Variants in MMEL1 observed in about 807,000 individuals in gnomAD.
MMEL1 encodes membrane metallo-endopeptidase-like 1.
Under a neutral mutation model 117.1 loss-of-function variants are expected in MMEL1, and 98 were observed. The observed-to-expected ratio is 0.84, with a 90% CI of 0.71 to 0.99. The LOEUF (loss-of-function observed/expected upper bound fraction) is 0.99, where lower values mean the gene tolerates loss of function less well. Ranked by LOEUF, MMEL1 falls within the 50% of genes least tolerant of loss-of-function variation. The pLI, the probability that MMEL1 is intolerant of heterozygous loss-of-function variation, is 0.00. For missense variants in MMEL1, 1,014 were observed against 1,049.1 expected (o/e 0.97, Z 0.46); for synonymous variants, 390 against 415.1 (o/e 0.94, Z 0.74).
chr1:2,602,115 G>C lies in MMEL1; in HGVS notation c.1041+1769C>G, dbSNP rs1644941951. On this transcript the variant is annotated intron_variant, in intron 11 of 23. Transcript: ENST00000378412. ...CACAGTGGGACCCGAGTTGTCGCAT[G>C]TTCTTAGAGTCAGAGGCCACTCAGC... 3.4e-5 allele frequency among the ~76,000 whole-genome samples: 4 copies of C among 116,876 alleles called. No individual in the cohort carries two copies. In the East Asian group the frequency reaches 1.0e-3, roughly 30 times the overall value. 76.7% of individuals were successfully genotyped at this position (116,876 alleles called of 152,430 possible).
At chr1:2,596,720 C>T (rs759519916) in intron 13 of MMEL1, 31 bp from the exon 14 acceptor site, 4 of 1,608,248 alleles carry the variant, frequency 2.5e-6, no homozygotes, top group African/African-American at 1.3e-5. Flanking sequence ...TCCCACGGGC[C>T]CCCACGTCAG....
chr1:2,611,162 TCCA>T, intron 4 of MMEL1, 116 bp downstream of exon 4: 1 of 1,036,854 alleles, frequency 9.6e-7, no homozygotes, highest in Admixed American at 2.5e-5. Flanking sequence ...CCCACCCGGC[TCCA>T]CCGCCCGCCG....
In MMEL1 at chr1:2,594,844, T is replaced by C. The variant is rs1644806626; in HGVS notation, c.1634A>G (p.Lys545Arg). 6.8e-6 allele frequency: 11 copies of C among 1,613,932 alleles called. No individual in the cohort carries two copies. The highest frequency in any genetic ancestry group is 8.5e-6 in the Non-Finnish European group (10 of 1,179,958). Residue 545 changes from lysine to arginine, a missense_variant, in exon 17 of 24, where the codon AAG becomes AGG. Lys to Arg is a conservative substitution (Grantham distance 26). Coordinates refer to ENST00000378412, the MANE Select transcript of MMEL1 (RefSeq NM_033467.4). ...LYFENSLQNL[K>R]VGAQRSLRKL... ...CCTGAGGCTCCGCTGGGCGCCCACC[T>C]TGAGGTTCTGCAGACTGTTCTCAAA...
chr1:2,618,302 C>A (rs1418235248), intron 2 of MMEL1, among the ~76,000 whole-genome samples: 1 of 152,168 alleles, frequency 6.6e-6, no homozygotes. Context: ...CATGCACAGG[C>A]TCCCCTTTAC....
chr1:2,630,359 T>G (rs1233025238), intron 1 of MMEL1, among the ~76,000 whole-genome samples: 1 of 152,160 alleles, frequency 6.6e-6, no homozygotes, highest in Non-Finnish European at 1.5e-5. Context: ...TGACTGTGCG[T>G]GTGTGCATAT....
At chr1:2,611,205 G>A (rs1645120762) in intron 4 of MMEL1, 76 bp downstream of exon 4, 14 of 1,432,064 alleles carry the variant, frequency 9.8e-6, no homozygotes, top group Admixed American at 4.1e-5. Flanking sequence ...TGGGCCTTGG[G>A]CGGGGCCTAC....
chr1:2,596,768 G>T (rs1355402577), intron 13 of MMEL1, 79 bp from the exon 14 acceptor site: 3 of 1,558,368 alleles, frequency 1.9e-6, no homozygotes, highest in Non-Finnish European at 2.6e-6. Flanking sequence ...GGCTTACGGG[G>T]TGAGCAGACC....
chr1:2,611,191 T>G, intron 4 of MMEL1, 90 bp downstream of exon 4: 2 of 1,339,008 alleles, frequency 1.5e-6, no homozygotes, highest in Non-Finnish European at 2.1e-6. Context: ...TGGAGTTGCT[T>G]CCCTGGGCCT....
chr1:2,594,504 C>T (rs1644799668), intron 17 of MMEL1, 61 bp from the exon 18 acceptor site: 5 of 1,532,104 alleles, frequency 3.3e-6, no homozygotes, highest in Non-Finnish European at 2.7e-6. Flanking sequence ...TCTGGGCTCT[C>T]TCTGCCTTGA....
rs769395265 is a variant in MMEL1, at chr1:2,592,679, G to A, written c.2043C>T (p.Asn681=). The A allele has an allele frequency of 2.6e-5, 40 of 1,556,356 alleles. No homozygotes were observed. The highest frequency in any genetic ancestry group is 2.1e-4 in the Admixed American group (12 of 56,806). The change falls in exon 21 of 24, where the codon AAC becomes AAT. Residue 681 remains asparagine (N), a synonymous_variant. Coordinates refer to ENST00000378412, the MANE Select transcript of MMEL1 (RefSeq NM_033467.4). ...FNTLGENIAD[N]GGVRQAYKAY... ...CCTTATAGGCTTGCCGCACCCCTCCGTTGTCAGCAATGTTTTCCCCAAGGG... is the reference window on the plus strand; with the variant it reads ...CCTTATAGGCTTGCCGCACCCCTCCATTGTCAGCAATGTTTTCCCCAAGGG...
intron 2 of MMEL1, among the ~76,000 whole-genome samples, chr1:2,625,922 T>C (rs1451078396): frequency 7.6e-6 from 1 of 130,772 alleles, no homozygotes; most frequent in South Asian, 2.5e-4. Flanking sequence ...GAGTTCCCTA[T>C]GACCAGTGGA....
At chr1:2,611,412 G>T in intron 3 of MMEL1, 72 bp from the exon 4 acceptor site, 1 of 1,202,430 alleles carries the variant, frequency 8.3e-7, no homozygotes. Context: ...GGGTGTGGGC[G>T]GGGCAAGGTC....
Position 2,594,783 on chromosome 1 carries a change from C to G in MMEL1, c.1688+7G>C. On this transcript the variant is annotated splice_region_variant and intron_variant, in intron 17 of 23. Transcript: ENST00000378412. The stretch of plus-strand genomic sequence containing the variant: ...CCCGCCCATGCCGCACCAGCGATGC[C>G]ACTCACAGATTTGGGTCCACCTTTT... 6.2e-7 allele frequency: 1 copy of G among 1,611,678 alleles called. No homozygotes were observed. Among genetic ancestry groups the G allele is most frequent in the South Asian group, 1.1e-5 (1 of 91,008 alleles).
At chr1:2,625,423 G>C (rs1638232560) in intron 2 of MMEL1, among the ~76,000 whole-genome samples, 2 of 152,206 alleles carry the variant, frequency 1.3e-5, no homozygotes, top group South Asian at 4.1e-4. Context: ...CCAGGCTGCT[G>C]GGCAAGCTGC....
chr1:2,623,348 G>A (rs773863236), intron 2 of MMEL1, among the ~76,000 whole-genome samples: 7 of 152,088 alleles, frequency 4.6e-5, no homozygotes, highest in East Asian at 3.9e-4. Context: ...GCTTTTTGCC[G>A]AGGACATCAA....
At chr1:2,608,532 TACAC>T (rs1354239222) in intron 6 of MMEL1, among the ~76,000 whole-genome samples, 3 of 124,526 alleles carry the variant, frequency 2.4e-5, no homozygotes, top group African/African-American at 1.0e-4. Context: ...CACATACACA[TACAC>T]ACATACACAT....
At position 2,612,066 on chromosome 1, in the gene MMEL1, C is replaced by A. The variant is rs1439018446; in HGVS notation, c.232+61G>T. The A allele has an allele frequency of 3.5e-6, 5 of 1,419,740 alleles. No individual in the cohort carries two copies. The Admixed American group carries it at 5.9e-5, about 17-fold the overall frequency. The allele number at this position is 1,419,740 out of a possible 1,614,324, so 87.9% of individuals were successfully genotyped here. A position where few individuals can be genotyped will look rare whatever the true frequency, so the allele number is the denominator to read the frequency against. On this transcript the variant is annotated intron_variant, in intron 3 of 23. Transcript: ENST00000378412. The surrounding 1 kb of genome is among the most constrained non-coding windows in gnomAD (Gnocchi z 5.4). ...CCCCTGCCCCTCCACGGAGTCCCCC[C>A]ACCTTGGGAGGCCAGCGCCCACCTG...
chr1:2,598,984 T>TA (rs1644890608), intron 11 of MMEL1, among the ~76,000 whole-genome samples, 194 bp from the exon 12 acceptor site: 1 of 152,182 alleles, frequency 6.6e-6, no homozygotes, highest in Non-Finnish European at 1.5e-5. Flanking sequence ...ATCATGCAGA[T>TA]ATATGCGAAA....
intron 11 of MMEL1, among the ~76,000 whole-genome samples, chr1:2,599,139 T>C (rs149098186): frequency 3.3e-5 from 5 of 152,362 alleles, no homozygotes; most frequent in African/African-American, 1.2e-4. Context: ...TCCAGACCCA[T>C]TTGGCTTCAC....
Sources: allele counts gnomAD v4.1 joint callset (sites outside exome capture counted in the v4.1 genomes callset), GRCh38; gene constraint gnomAD v4.1.1; non-coding constraint Gnocchi (gnomAD v3.1); transcripts MANE v1.5; gene names NCBI Gene and HGNC (gene_info 2026-07-23, HGNC 2026-07-21).